MAGI2: variants seen among roughly 807,000 people sequenced by gnomAD.
MAGI2 encodes membrane-associated guanylate kinase, WW and PDZ domain-containing protein 2.
In MAGI2, 35 loss-of-function variants were observed where a neutral mutation model predicts 133.3. That is an observed-to-expected ratio of 0.26 (90% confidence interval 0.20 to 0.35). The LOEUF (loss-of-function observed/expected upper bound fraction) is 0.35, where lower values mean the gene tolerates loss of function less well. Among genes scored for constraint, MAGI2 ranks in the 10% least tolerant of loss-of-function variants. MAGI2 has a pLI of 1.00. For missense variants in MAGI2, 1,636 were observed against 1,863.4 expected, an observed-to-expected ratio of 0.88 and a Z score of 2.25; for synonymous variants, 729 against 710.6, an observed-to-expected ratio of 1.03 and a Z score of -0.41.
intron 11 of MAGI2, among the ~76,000 whole-genome samples, chr7:78,197,377 C>T (rs898132552): frequency 6.6e-6 from 1 of 152,156 alleles, no homozygotes; most frequent in Non-Finnish European, 1.5e-5. Flanking sequence ...AGCTGTAGTA[C>T]TCTCCCACTT....
At chr7:78,050,904 C>A (rs928268597) in intron 21 of MAGI2, among the ~76,000 whole-genome samples, 2 of 152,146 alleles carry the variant, frequency 1.3e-5, no homozygotes, top group Non-Finnish European at 2.9e-5. Flanking sequence ...CAGCAGCAAC[C>A]CCCTGTTGAA....
At chr7:78,235,310 A>G (rs62463877) in intron 10 of MAGI2, among the ~76,000 whole-genome samples, 5,938 of 152,232 alleles carry the variant, frequency 0.039, 179 homozygotes, top group Middle Eastern at 0.068. Context: ...GCTCAAGGAA[A>G]TTACTACTGT....
chr7:78,461,916 C>CAAAAAAAAAAAAAAA lies in MAGI2; in HGVS notation c.1045+27830_1045+27844dup, dbSNP rs55811983. Among the ~76,000 whole-genome samples, 34 of 30,502 alleles carry CAAAAAAAAAAAAAAA rather than the reference C, an allele frequency of 1.1e-3. 1 individual carries two copies. The highest frequency in any genetic ancestry group is 1.2e-3 in the African/African-American group (11 of 9,124). The allele number at this position is 30,502 out of a possible 152,430, so 20.0% of individuals were successfully genotyped here. On this transcript the variant is annotated intron_variant, in intron 6 of 21. Transcript: ENST00000354212. ...ACAAGAGCAAAGCAAAATTCCGTCTCAAAAAAAAAAAAAAAAAAAAAAAAA... is the reference window on the plus strand; with the variant it reads ...ACAAGAGCAAAGCAAAATTCCGTCTCAAAAAAAAAAAAAAAAAAAAAAAAAAAAAAAAAAAAAAAA...
At chr7:79,102,167 C>T (rs987278669) in intron 1 of MAGI2, among the ~76,000 whole-genome samples, 8 of 152,108 alleles carry the variant, frequency 5.3e-5, no homozygotes, top group Non-Finnish European at 8.8e-5. Flanking sequence ...ATGTGCAGAA[C>T]GTACAGGTTT....
chr7:78,536,046 G>C (rs1282422420), intron 3 of MAGI2, among the ~76,000 whole-genome samples: 1 of 144,500 alleles, frequency 6.9e-6, no homozygotes, highest in Non-Finnish European at 1.5e-5. Context: ...CAGGGAGACT[G>C]ATTTGGGTAA....
chr7:78,960,212 C>A (rs1190997435), intron 2 of MAGI2, among the ~76,000 whole-genome samples: 12 of 152,002 alleles, frequency 7.9e-5, no homozygotes, highest in Non-Finnish European at 1.8e-4. Flanking sequence ...TGTGGGGAGG[C>A]AGGGATGGCA....
At chr7:78,479,184 T>G (rs1792098932) in intron 6 of MAGI2, among the ~76,000 whole-genome samples, 1 of 152,120 alleles carries the variant, frequency 6.6e-6, no homozygotes, top group South Asian at 2.1e-4. Flanking sequence ...AATTTCACAG[T>G]GATTTTGCAT....
chr7:78,802,939 A>G lies in MAGI2; in HGVS notation c.419-175700T>C, dbSNP rs115830913. 4.9e-3 allele frequency among the ~76,000 whole-genome samples: 740 copies of G among 151,644 alleles called. 9 individuals are homozygous for G. Among genetic ancestry groups the G allele is most frequent in the African/African-American group, 0.017 (703 of 41,288 alleles). On this transcript the variant is annotated intron_variant, in intron 2 of 21. Coordinates refer to ENST00000354212, the MANE Select transcript of MAGI2 (RefSeq NM_012301.4). Reference sequence around the variant, plus strand: ...ACAATAAAATCTATTAAAAAAAAAAAAGAGACCTCTGACAGCTGTGATACT... The same window carrying G: ...ACAATAAAATCTATTAAAAAAAAAAGAGAGACCTCTGACAGCTGTGATACT...
At chr7:78,363,417 CG>C (rs1378375399) in intron 7 of MAGI2, among the ~76,000 whole-genome samples, 1 of 151,940 alleles carries the variant, frequency 6.6e-6, no homozygotes, top group Non-Finnish European at 1.5e-5. Flanking sequence ...GGCGCGAACC[CG>C]GGAGGCGGAG....
At chr7:78,524,052 G>GGA (rs1554455547) in intron 3 of MAGI2, among the ~76,000 whole-genome samples, 8 of 149,096 alleles carry the variant, frequency 5.4e-5, no homozygotes, top group African/African-American at 1.2e-4. Context: ...CATTTCTAGG[G>GGA]AAAAAAAAAA....
intron 1 of MAGI2, among the ~76,000 whole-genome samples, chr7:79,040,424 A>G (rs1811546480): frequency 6.6e-6 from 1 of 152,154 alleles, no homozygotes; most frequent in Non-Finnish European, 1.5e-5. Context: ...CTAAGAAAAA[A>G]GTTGGTCTCA....
chr7:78,376,552 T>C (rs927865336), intron 6 of MAGI2, among the ~76,000 whole-genome samples: 6 of 152,132 alleles, frequency 3.9e-5, no homozygotes, highest in African/African-American at 9.7e-5. Flanking sequence ...TATGGGCTGG[T>C]TGTTGATGAA....
At chr7:78,194,766 T>C (rs1828565824) in intron 12 of MAGI2, 108 bp downstream of exon 12, 1 of 960,134 alleles carries the variant, frequency 1.0e-6, no homozygotes, top group Non-Finnish European at 1.5e-6. Context: ...TGAAACACTT[T>C]TGAAACTCAG....
At chr7:78,441,043 T>C (rs937805477) in intron 6 of MAGI2, among the ~76,000 whole-genome samples, 1 of 152,136 alleles carries the variant, frequency 6.6e-6, no homozygotes. Flanking sequence ...GAGGGAGATA[T>C]TTAGGTTGGA....
At chr7:78,133,756 T>C (rs1227657299) in intron 17 of MAGI2, among the ~76,000 whole-genome samples, 1 of 152,228 alleles carries the variant, frequency 6.6e-6, no homozygotes, top group Non-Finnish European at 1.5e-5. Context: ...CGAGCAATCT[T>C]GTTTGCAGTT....
At chr7:78,164,218 C>T (rs1203639407) in intron 15 of MAGI2, among the ~76,000 whole-genome samples, 2 of 152,182 alleles carry the variant, frequency 1.3e-5, no homozygotes, top group Non-Finnish European at 1.5e-5. Flanking sequence ...AATTCTGTAA[C>T]CATATAGACC....
chr7:78,256,499 A>C lies in MAGI2; in HGVS notation c.1491T>G (p.Pro497=). 1 of 1,613,992 alleles carries C rather than the reference A, an allele frequency of 6.2e-7. No individual in the cohort carries two copies. ...ACACCAGGTTGACACTCTGACCAAT[A>C]GGAACAGACTGGAAAAGTTTGACAA... ...ADVVKLFQSV[P]IGQSVNLVLC... is the part of the protein sequence containing the mutation. The change falls in exon 10 of 22, where the codon CCT becomes CCG. Residue 497 remains proline, a synonymous_variant. Coordinates refer to ENST00000354212, the MANE Select transcript of MAGI2 (RefSeq NM_012301.4).
At chr7:79,279,449 G>A (rs111242554) in intron 1 of MAGI2, among the ~76,000 whole-genome samples, 2,477 of 152,256 alleles carry the variant, frequency 0.016, 28 homozygotes, top group Non-Finnish European at 0.024. Flanking sequence ...GAGACGTGGG[G>A]ACTGCTGTGT....
At chr7:78,956,940 G>A (rs1802424956) in intron 2 of MAGI2, among the ~76,000 whole-genome samples, 2 of 151,972 alleles carry the variant, frequency 1.3e-5, no homozygotes, top group South Asian at 2.1e-4. Context: ...TTTATCGATG[G>A]GCCAAATGAA....
Sources: gnomAD v4.1 joint callset for allele counts (sites outside exome capture counted in the v4.1 genomes callset) on GRCh38, gnomAD v4.1.1 for gene constraint, MANE v1.5 for transcripts, NCBI Gene and HGNC (gene_info 2026-07-23, HGNC 2026-07-21) for gene names.